The following POLE2 variants were observed in gnomAD, a reference collection of about 807,000 sequenced individuals.
The protein encoded by POLE2 is DNA polymerase epsilon subunit 2.
A neutral mutation model predicts 79.4 loss-of-function variants in POLE2; 56 were observed. The ratio of observed to expected loss-of-function variants is 0.71; its 90% CI spans 0.57 to 0.88. The LOEUF is 0.88. Ranked by LOEUF, POLE2 falls within the 40% of genes least tolerant of loss-of-function variation. The pLI, the probability that POLE2 is intolerant of heterozygous loss-of-function variation, is 0.00. For synonymous variants in POLE2, 212 were observed against 214.0 expected, an observed-to-expected ratio of 0.99 and a Z score of 0.08; for missense variants, 598 against 638.9, an observed-to-expected ratio of 0.94 and a Z score of 0.69.
intron 15 of POLE2, among the ~76,000 whole-genome samples, chr14:49,653,745 C>T (rs908893805): frequency 1.3e-5 from 2 of 150,288 alleles, no homozygotes; most frequent in Non-Finnish European, 3.0e-5. Flanking sequence ...CTCCACCTAC[C>T]AGGCTCAAGT....
At chr14:49,644,691 A>ATC (rs1430034122) in intron 18 of POLE2, among the ~76,000 whole-genome samples, 4 of 152,114 alleles carry the variant, frequency 2.6e-5, no homozygotes, top group African/African-American at 9.7e-5. Context: ...GAAAGTTCTG[A>ATC]ATAAGTACAA....
At chr14:49,648,827 T>C (rs555732739) in intron 17 of POLE2, among the ~76,000 whole-genome samples, 19 of 152,200 alleles carry the variant, frequency 1.2e-4, no homozygotes, top group Admixed American at 5.9e-4. Flanking sequence ...GAAAGCAAAG[T>C]AGAGACAGGC....
intron 5 of POLE2, among the ~76,000 whole-genome samples, chr14:49,671,349 T>A (rs1262557231): frequency 6.6e-6 from 1 of 152,152 alleles, no homozygotes. Context: ...TTGGGCACAG[T>A]GGCTCACGCT....
intron 2 of POLE2, among the ~76,000 whole-genome samples, chr14:49,682,453 A>G (rs1411239909): frequency 6.6e-6 from 1 of 151,512 alleles, no homozygotes; most frequent in Non-Finnish European, 1.5e-5. Flanking sequence ...CCTGGCCAAC[A>G]TGGTGAAACC....
At chr14:49,648,406 T>A (rs1883943937) in intron 17 of POLE2, among the ~76,000 whole-genome samples, 1 of 152,024 alleles carries the variant, frequency 6.6e-6, no homozygotes, top group South Asian at 2.1e-4. Flanking sequence ...AGTAGAAAAA[T>A]TCAGAAATAA....
intron 3 of POLE2, among the ~76,000 whole-genome samples, chr14:49,678,295 G>A (rs560737256): frequency 1.3e-5 from 2 of 151,810 alleles, no homozygotes; most frequent in African/African-American, 4.8e-5. Context: ...GAGCCACTGC[G>A]CCCAGCCTGC....
rs146139673 is a variant in POLE2, at chr14:49,650,231, A to G, written c.1497+34T>C. 7.0e-4 allele frequency: 831 copies of G among 1,180,246 alleles called. 7 individuals are homozygous for G. In the African/African-American group the frequency reaches 0.011, roughly 15 times the overall value. 73.1% of individuals were successfully genotyped at this position (1,180,246 alleles called of 1,614,324 possible). A position where few individuals can be genotyped will look rare whatever the true frequency, so the allele number is the denominator to read the frequency against. On this transcript the variant is annotated intron_variant, in intron 17 of 18. Coordinates refer to ENST00000216367, the MANE Select transcript of POLE2 (RefSeq NM_002692.4). ...TAAAAAATGCACTCTAATCTTGATA[A>G]ATAATGACTATATAAGATTAACTAC...
chr14:49,687,300 C>A (rs958315243), intron 1 of POLE2, among the ~76,000 whole-genome samples: 446 of 139,820 alleles, frequency 3.2e-3, no homozygotes, highest in Non-Finnish European at 5.2e-3. Context: ...TACACACACA[C>A]CACACACACA....
intron 17 of POLE2, among the ~76,000 whole-genome samples, chr14:49,649,724 CAG>C (rs1224169630): frequency 1.3e-5 from 2 of 152,196 alleles, no homozygotes; most frequent in Non-Finnish European, 2.9e-5. Flanking sequence ...GCTGGGATTA[CAG>C]GTGTGAGCCA....
chr14:49,655,458 AACACAC>A (rs35575577), intron 11 of POLE2, among the ~76,000 whole-genome samples: 31 of 143,490 alleles, frequency 2.2e-4, no homozygotes, highest in East Asian at 8.3e-4. Flanking sequence ...CATGACTATA[AACACAC>A]ACACACACAC....
At chr14:49,682,431 G>A (rs1886783411) in intron 2 of POLE2, among the ~76,000 whole-genome samples, 1 of 151,438 alleles carries the variant, frequency 6.6e-6, no homozygotes, top group African/African-American at 2.4e-5. Context: ...GAAGTTGGCG[G>A]TTCGAGACCA....
chr14:49,646,335 TGAGA>T (rs1883774874), intron 18 of POLE2, among the ~76,000 whole-genome samples: 1 of 125,200 alleles, frequency 8.0e-6, no homozygotes, highest in African/African-American at 3.3e-5. Flanking sequence ...TTTTTTTTTT[TGAGA>T]TAGAGTCTCA....
rs1883725704 is a variant in POLE2 at position 49,645,906 on chromosome 14, C to CA, written c.1565+1386dup. Among the ~76,000 whole-genome samples the CA allele has an allele frequency of 2.6e-5, 4 of 152,218 alleles. No individual in the cohort carries two copies. The South Asian group carries it at 8.3e-4, about 31-fold the overall frequency. On this transcript the variant is annotated intron_variant, in intron 18 of 18. Transcript: ENST00000216367. ...CTTGGCCTCCCAAAGTGCTGGATTA[C>CA]AGGTGTGAGCCACCACGAATGGCTG...
At chr14:49,667,829 T>C (rs976694636) in intron 6 of POLE2, among the ~76,000 whole-genome samples, 3 of 152,172 alleles carry the variant, frequency 2.0e-5, no homozygotes, top group African/African-American at 7.2e-5. Flanking sequence ...TATCTTTACG[T>C]TTTATCTTTA....
chr14:49,647,837 A>T (rs1883896990), intron 17 of POLE2, among the ~76,000 whole-genome samples: 1 of 152,210 alleles, frequency 6.6e-6, no homozygotes, highest in Admixed American at 6.5e-5. Context: ...TGTGACTATA[A>T]AGTAACACAA....
chr14:49,649,110 T>C (rs1327461687), intron 17 of POLE2, among the ~76,000 whole-genome samples: 1 of 151,680 alleles, frequency 6.6e-6, no homozygotes, highest in Non-Finnish European at 1.5e-5. Context: ...ATTCTCCAAG[T>C]TCAAAAAGTC....
intron 6 of POLE2, among the ~76,000 whole-genome samples, chr14:49,667,193 A>G (rs979772644): frequency 6.6e-6 from 1 of 151,930 alleles, no homozygotes; most frequent in African/African-American, 2.4e-5. Flanking sequence ...TCAAAAAAAA[A>G]ACAAAAAAAA....
chr14:49,655,649 G>C, intron 11 of POLE2, 22 bp downstream of exon 11: 2 of 1,561,146 alleles, frequency 1.3e-6, no homozygotes, highest in South Asian at 2.4e-5. Flanking sequence ...GTTCAAGAAA[G>C]AAGAAAAAAA....
intron 18 of POLE2, chr14:49,646,651 C>G (rs553655200): frequency 2.6e-5 from 4 of 152,106 alleles, no homozygotes; most frequent in Admixed American, 1.3e-4. Context: ...GTGGTGGGAA[C>G]TTTTTCAAAA....
Sources: allele counts gnomAD v4.1 joint callset (sites outside exome capture counted in the v4.1 genomes callset), GRCh38; gene constraint gnomAD v4.1.1; transcripts MANE v1.5; gene names NCBI Gene and HGNC (gene_info 2026-07-23, HGNC 2026-07-21).